The following ARPIN variants were observed in gnomAD, a reference collection of about 807,000 sequenced individuals.
The protein encoded by ARPIN is actin related protein 2/3 complex inhibitor, also known as UPF0552 protein C15orf38.
Under a neutral mutation model 25.9 loss-of-function variants are expected in ARPIN, and 23 were observed. The observed-to-expected ratio is 0.89, with a 90% CI of 0.64 to 1.26. ARPIN has a LOEUF of 1.26. Among genes scored for constraint, ARPIN ranks in the 50% most tolerant of loss-of-function variants. The pLI is 0.00. For missense variants in ARPIN, 333 were observed against 312.2 expected (o/e 1.07, Z -0.50); for synonymous variants, 126 against 131.4 (o/e 0.96, Z 0.28).
In ARPIN at chr15:89,897,158, A is replaced by G. The variant is rs1043922220; in HGVS notation, c.*4637T>C. ...ATTTTAAATATCCAAAAGTTGGACC[A>G]TGACAGAACTATCCAATGGTAGCAA... is the stretch of plus-strand genomic sequence containing the variant. On this transcript the variant is annotated 3_prime_UTR_variant, in exon 6 of 6. Coordinates refer to ENST00000357484, the MANE Select transcript of ARPIN (RefSeq NM_182616.4). 4 of 152,368 alleles carry G rather than the reference A, an allele frequency of 2.6e-5. No homozygotes were observed. Among genetic ancestry groups the G allele is most frequent in the Non-Finnish European group, 5.9e-5 (4 of 68,026 alleles). The allele number at this position is 152,368 out of a possible 1,614,324, so 9.4% of individuals were successfully genotyped here.
In ARPIN at chr15:89,898,151, G is replaced by C. The variant is rs916125328; in HGVS notation, c.*3644C>G. On this transcript the variant is annotated 3_prime_UTR_variant, in exon 6 of 6. Coordinates refer to ENST00000357484, the MANE Select transcript of ARPIN (RefSeq NM_182616.4). ...AAGAAAGAAAGAAAATTTCCCATAT[G>C]AATGAAGCTCAGAGGATTTGCTTGG... 6.6e-6 allele frequency: 1 copy of C among 151,820 alleles called. No individual in the cohort carries two copies. The highest frequency in any genetic ancestry group is 1.5e-5 in the Non-Finnish European group (1 of 68,012). 9.4% of individuals were successfully genotyped at this position (151,820 alleles called of 1,614,324 possible).
At chr15:89,912,520 G>A (rs1035923928) in intron 1 of ARPIN, 26 of 1,298,166 alleles carry the variant, frequency 2.0e-5, no homozygotes, top group Non-Finnish European at 2.1e-5. Flanking sequence ...GAGGGCAGGC[G>A]GACAGGCGGG....
chr15:89,912,574 G>C, intron 1 of ARPIN, 170 bp downstream of exon 1: 2 of 1,347,452 alleles, frequency 1.5e-6, no homozygotes, highest in Non-Finnish European at 1.9e-6. Context: ...GGGCGGGCGC[G>C]GCGGCAGGGG....
intron 1 of ARPIN, 81 bp downstream of exon 1, chr15:89,912,663 T>TGGCC: frequency 8.0e-6 from 7 of 871,096 alleles, no homozygotes; most frequent in Non-Finnish European, 7.0e-6. Context: ...CCCACCCGCA[T>TGGCC]CCCACCCCCC....
In ARPIN at chr15:89,908,300, CCCGTGTTCA is replaced by C; in HGVS notation, c.272_280del (p.Val91_Thr93del). ...CCTACTGTAGGACGACATGAGGAAG[CCCGTGTTCA>C]CCTTCCTGGTGGCGCTGAAGTTGGG... is the stretch of plus-strand genomic sequence containing the variant. On this transcript the variant is annotated inframe_deletion, in exon 3 of 6. Coordinates refer to ENST00000357484, the MANE Select transcript of ARPIN (RefSeq NM_182616.4). 2 of 1,614,170 alleles carry C rather than the reference CCCGTGTTCA, an allele frequency of 1.2e-6. No individual in the cohort carries two copies. Among genetic ancestry groups the C allele is most frequent in the Non-Finnish European group, 1.7e-6 (2 of 1,180,024 alleles).
At chr15:89,902,754 G>A in intron 5 of ARPIN, 1 of 614,228 alleles carries the variant, frequency 1.6e-6, no homozygotes, top group Non-Finnish European at 2.1e-6. Context: ...AATAGGCTGA[G>A]GATCAACGTG....
intron 3 of ARPIN, among the ~76,000 whole-genome samples, chr15:89,904,221 T>G (rs1033337041): frequency 3.9e-5 from 6 of 152,030 alleles, no homozygotes; most frequent in Non-Finnish European, 8.8e-5. Context: ...GCAAGTTACA[T>G]CACCTCTCCG....
In ARPIN at chr15:89,898,176, G is replaced by T. The variant is rs1032303709; in HGVS notation, c.*3619C>A. On this transcript the variant is annotated 3_prime_UTR_variant, in exon 6 of 6. Transcript: ENST00000357484. ...GAATGAAGCTCAGAGGATTTGCTTG[G>T]TTCTGTTTGAAGATACAAAATAACT... The T allele has an allele frequency of 3.3e-5, 5 of 152,018 alleles. No individual in the cohort carries two copies. Among genetic ancestry groups the T allele is most frequent in the African/African-American group, 9.7e-5 (4 of 41,388 alleles). 9.4% of individuals were successfully genotyped at this position (152,018 alleles called of 1,614,324 possible). A position where few individuals can be genotyped will look rare whatever the true frequency, so the allele number is the denominator to read the frequency against.
chr15:89,906,058 A>G (rs1320638819), intron 3 of ARPIN, among the ~76,000 whole-genome samples: 2 of 151,938 alleles, frequency 1.3e-5, no homozygotes, highest in Non-Finnish European at 2.9e-5. Flanking sequence ...CCCAGTAGCC[A>G]AGCCAACACT....
chr15:89,912,760 G>T lies in ARPIN; in HGVS notation c.76C>A (p.Pro26Thr). The stretch of plus-strand genomic sequence containing the variant: ...CAGGCCTACCCCTGGTGGGCGGCGG[G>T]GTCCCAGGCCCCTGGCAGCCGGACG... The part of the protein sequence containing the change: ...QSVRLPGAWD[P>T]AAHQGGNGVL... Residue 26 changes from proline (P) to threonine (T), a missense_variant, in exon 1 of 6, where the codon CCC becomes ACC. Transcript: ENST00000357484. 1.3e-6 allele frequency: 2 copies of T among 1,487,838 alleles called. No homozygotes were observed. Among genetic ancestry groups the T allele is most frequent in the South Asian group, 2.6e-5 (2 of 77,920 alleles). The allele number at this position is 1,487,838 out of a possible 1,614,324, so 92.2% of individuals were successfully genotyped here. A position where few individuals can be genotyped will look rare whatever the true frequency, so the allele number is the denominator to read the frequency against.
At position 89,908,417 on chromosome 15, in the gene ARPIN, G is replaced by T. The variant is rs1482510793; in HGVS notation, c.169-5C>A. 6.2e-7 allele frequency: 1 copy of T among 1,613,722 alleles called. No homozygotes were observed. The highest frequency in any genetic ancestry group is 8.5e-7 in the Non-Finnish European group (1 of 1,179,858). On this transcript the variant is annotated splice_polypyrimidine_tract_variant and splice_region_variant and intron_variant, in intron 2 of 5. Coordinates refer to ENST00000357484, the MANE Select transcript of ARPIN (RefSeq NM_182616.4). ...ATACAGCACGTAGTAGCGCTCCTGG[G>T]GCCAGGCAGACAGAGAGTGAGGGGG... is the stretch of plus-strand genomic sequence containing the variant.
chr15:89,902,740 T>A lies in ARPIN; in HGVS notation c.672+476A>T, dbSNP rs890008222. On this transcript the variant is annotated intron_variant, in intron 5 of 5. Transcript: ENST00000357484. ...GAAAAGAAATGAAAAGAAAAGCAAC[T>A]GTGAATAGGCTGAGGATCAACGTGG... 1.5e-5 allele frequency: 8 copies of A among 518,990 alleles called. 1 individual carries two copies. The highest frequency in any genetic ancestry group is 6.5e-5 in the South Asian group (1 of 15,496). 32.1% of individuals were successfully genotyped at this position (518,990 alleles called of 1,614,324 possible).
chr15:89,896,523 G>A lies in ARPIN; in HGVS notation c.*5272C>T, dbSNP rs886153693. ...GATAATAACCTAAACAGAAGAAAGC[G>A]AAATTGAATAAGATCCAAAAATCTG... On this transcript the variant is annotated 3_prime_UTR_variant, in exon 6 of 6. Coordinates refer to ENST00000357484, the MANE Select transcript of ARPIN (RefSeq NM_182616.4). 1.1e-4 allele frequency: 17 copies of A among 151,996 alleles called. No homozygotes were observed. The highest frequency in any genetic ancestry group is 7.4e-5 in the Non-Finnish European group (5 of 67,994). 9.4% of individuals were successfully genotyped at this position (151,996 alleles called of 1,614,324 possible). A position where few individuals can be genotyped will look rare whatever the true frequency, so the allele number is the denominator to read the frequency against.
In ARPIN at chr15:89,910,785, C is replaced by A; in HGVS notation, c.127G>T (p.Asp43Tyr). ...TCCAAGATGCTGTGCCGAGATACAT[C>A]GATCAGTTCTCCCTCCAGCAGGACA... ...NGVLLEGELI[D>Y]VSRHSILDTH... Residue 43 changes from aspartate (D) to tyrosine (Y), a missense_variant, in exon 2 of 6, where the codon GAT (aspartate) becomes TAT (tyrosine). Coordinates refer to ENST00000357484, the MANE Select transcript of ARPIN (RefSeq NM_182616.4). 1 of 1,614,162 alleles carries A rather than the reference C, an allele frequency of 6.2e-7. No homozygotes were observed. The highest frequency in any genetic ancestry group is 8.5e-7 in the Non-Finnish European group (1 of 1,180,010).
intron 1 of ARPIN, chr15:89,912,236 A>G (rs1897237394): frequency 2.0e-6 from 2 of 987,636 alleles, no homozygotes; most frequent in Non-Finnish European, 2.4e-6. Context: ...GCGCAGTTGT[A>G]AATGGAATGG....
intron 5 of ARPIN, 148 bp downstream of exon 5, chr15:89,903,068 G>A: frequency 1.9e-6 from 3 of 1,546,460 alleles, no homozygotes; most frequent in Non-Finnish European, 2.6e-6. Flanking sequence ...TTCTCCTGAT[G>A]CTAACACATT....
At chr15:89,912,192 G>A in intron 1 of ARPIN, 1 of 985,314 alleles carries the variant, frequency 1.0e-6, no homozygotes, top group Non-Finnish European at 1.2e-6. Context: ...TTGTCTTTCT[G>A]TATCTGGCTT....
Position 89,900,715 on chromosome 15 carries a change from G to A in ARPIN, c.*1080C>T, listed in dbSNP as rs886922862. Reference sequence around the variant, plus strand: ...ACATGCCACCAAGTCCTGACGACATGGAGACTTCAATTCCAGGTCTCTTCA... The same window carrying A: ...ACATGCCACCAAGTCCTGACGACATAGAGACTTCAATTCCAGGTCTCTTCA... On this transcript the variant is annotated 3_prime_UTR_variant, in exon 6 of 6. Transcript: ENST00000357484. 8.5e-5 allele frequency: 13 copies of A among 152,136 alleles called. No homozygotes were observed. Among genetic ancestry groups the A allele is most frequent in the African/African-American group, 3.1e-4 (13 of 41,404 alleles). The allele number at this position is 152,136 out of a possible 1,614,324, so 9.4% of individuals were successfully genotyped here.
intron 5 of ARPIN, 90 bp downstream of exon 5, chr15:89,903,126 C>T (rs1059728): frequency 3.7e-6 from 6 of 1,612,408 alleles, no homozygotes. Flanking sequence ...TAAGATTCAT[C>T]CTGTCGTCTT....
Sources: allele counts gnomAD v4.1 joint callset (sites outside exome capture counted in the v4.1 genomes callset), GRCh38; gene constraint gnomAD v4.1.1; transcripts MANE v1.5; gene names NCBI Gene and HGNC (gene_info 2026-07-23, HGNC 2026-07-21).